TRDN: variants seen among roughly 807,000 people sequenced by gnomAD.
The protein encoded by TRDN is triadin in skeletal muscle.
TRDN carries 161 observed loss-of-function variants against 149.7 expected under a neutral mutation model. That is an observed-to-expected ratio of 1.08 (90% CI 0.95 to 1.23). The LOEUF is 1.23. Among genes scored for constraint, TRDN ranks in the 50% most tolerant of loss-of-function variants. The probability of loss-of-function intolerance (pLI) is 0.00; values close to 1 mark genes in which losing one functional copy is unlikely to be tolerated. For synonymous variants in TRDN, 294 were observed against 250.5 expected (o/e 1.17, Z -1.64); for missense variants, 896 against 823.5 (o/e 1.09, Z -1.08).
At chr6:123,633,973 GA>G (rs1412919664) in intron 1 of TRDN, among the ~76,000 whole-genome samples, 22 of 152,084 alleles carry the variant, frequency 1.4e-4, no homozygotes, top group Admixed American at 1.2e-3. Flanking sequence ...CTTGAGATGA[GA>G]ACAGTTAACT....
At chr6:123,327,297 T>C (rs1779493374) in intron 23 of TRDN, among the ~76,000 whole-genome samples, 1 of 152,100 alleles carries the variant, frequency 6.6e-6, no homozygotes, top group East Asian at 1.9e-4. Flanking sequence ...ATAACTATAT[T>C]TGGTCAGGCA....
chr6:123,381,956 GCTCTCTCTCTCTCTCT>G (rs55997261), intron 15 of TRDN, among the ~76,000 whole-genome samples, 146 bp downstream of exon 15: 1 of 138,522 alleles, frequency 7.2e-6, no homozygotes, highest in South Asian at 2.4e-4. Context: ...TAGATTTGGC[GCTCTCTCTCTCTCTCT>G]CTCTCTCTCT....
intron 4 of TRDN, among the ~76,000 whole-genome samples, chr6:123,547,058 G>A (rs1190632762): frequency 6.6e-6 from 1 of 152,094 alleles, no homozygotes; most frequent in East Asian, 1.9e-4. Context: ...TAAGGCTACA[G>A]AATTCTCCCC....
At chr6:123,274,707 AAAAAT>A in intron 26 of TRDN, 37 bp from the exon 27 acceptor site, 1 of 1,560,960 alleles carries the variant, frequency 6.4e-7, no homozygotes, top group South Asian at 1.2e-5. Context: ...TAAAACCTGA[AAAAAT>A]AAACTAGAAT....
chr6:123,271,137 A>G lies in TRDN; in HGVS notation c.1720+2T>C, dbSNP rs2114612691. Reference sequence around the variant, plus strand: ...GAAAAAAATATAAAATACCTTATTTACCTGTTTTTTCTATTGTGACAGCTT... The same window carrying G: ...GAAAAAAATATAAAATACCTTATTTGCCTGTTTTTTCTATTGTGACAGCTT... On this transcript the variant is annotated splice_donor_variant, in intron 30 of 40. Transcript: ENST00000334268. LOFTEE classifies it high-confidence loss of function. 1 of 1,524,708 alleles carries G rather than the reference A, an allele frequency of 6.6e-7. No individual in the cohort carries two copies. The highest frequency in any genetic ancestry group is 8.8e-7 in the Non-Finnish European group (1 of 1,133,400). The allele number at this position is 1,524,708 out of a possible 1,614,324, so 94.4% of individuals were successfully genotyped here. A position where few individuals can be genotyped will look rare whatever the true frequency, so the allele number is the denominator to read the frequency against.
chr6:123,469,408 C>A (rs1225981802), intron 9 of TRDN, among the ~76,000 whole-genome samples: 1 of 152,068 alleles, frequency 6.6e-6, no homozygotes, highest in Non-Finnish European at 1.5e-5. Flanking sequence ...CTTTCCCAAC[C>A]CCATCTATTA....
intron 10 of TRDN, chr6:123,456,764 T>A: frequency 2.2e-6 from 1 of 455,522 alleles, no homozygotes; most frequent in Admixed American, 2.4e-5. Flanking sequence ...TTATCCTTTA[T>A]TAAATGAGCA....
chr6:123,390,740 ACT>A (rs1219854128), intron 13 of TRDN, among the ~76,000 whole-genome samples: 1 of 151,882 alleles, frequency 6.6e-6, no homozygotes, highest in South Asian at 2.1e-4. Flanking sequence ...AATCTACTTA[ACT>A]CTGTTATGGG....
At chr6:123,399,356 A>G (rs759424854) in intron 12 of TRDN, among the ~76,000 whole-genome samples, 1 of 152,234 alleles carries the variant, frequency 6.6e-6, no homozygotes, top group Non-Finnish European at 1.5e-5. Context: ...TAAGTAATCA[A>G]CAATTTAGGG....
intron 1 of TRDN, among the ~76,000 whole-genome samples, chr6:123,624,953 A>T (rs1009912773): frequency 6.6e-6 from 1 of 152,090 alleles, no homozygotes; most frequent in Non-Finnish European, 1.5e-5. Flanking sequence ...CCTGACCGAA[A>T]ATTTAGTATT....
At position 123,284,701 on chromosome 6, in the gene TRDN, A is replaced by T. The variant is rs534827872; in HGVS notation, c.1511-5619T>A. 1.1e-4 allele frequency among the ~76,000 whole-genome samples: 17 copies of T among 152,262 alleles called. No individual in the cohort carries two copies. In the South Asian group the frequency reaches 3.5e-3, roughly 32 times the overall value. ...AAGAGAGAGAAATAAAGGGCATTCA[A>T]ATCAGTAAAGAGGAAGTCAAACTGT... On this transcript the variant is annotated intron_variant, in intron 24 of 40. Coordinates refer to ENST00000334268, the MANE Select transcript of TRDN (RefSeq NM_006073.4).
At chr6:123,510,481 A>G (rs1779119197) in intron 7 of TRDN, among the ~76,000 whole-genome samples, 1 of 152,102 alleles carries the variant, frequency 6.6e-6, no homozygotes, top group Admixed American at 6.6e-5. Flanking sequence ...TTTTCTAGTA[A>G]TTGGCAGATA....
Position 123,259,530 on chromosome 6 carries a change from C to T in TRDN, c.1870+94G>A, listed in dbSNP as rs9375235. The T allele has an allele frequency of 0.22, 181,032 of 808,604 alleles. 24,192 individuals are homozygous for T. The highest frequency in any genetic ancestry group is 0.58 in the East Asian group (19,953 of 34,614). 50.1% of individuals were successfully genotyped at this position (808,604 alleles called of 1,614,324 possible). ...AAATCAGTGTCTTCATTTTCATCAA[C>T]TGTTTTTAAATCATATAATTTGTAT... On this transcript the variant is annotated intron_variant, in intron 35 of 40. Transcript: ENST00000334268.
intron 21 of TRDN, among the ~76,000 whole-genome samples, chr6:123,347,893 C>G (rs766861594): frequency 3.9e-5 from 6 of 152,062 alleles, no homozygotes; most frequent in Non-Finnish European, 7.4e-5. Flanking sequence ...GGAGATAGCT[C>G]TGTGCTCTAT....
At chr6:123,334,338 C>A (rs1779784519) in intron 22 of TRDN, among the ~76,000 whole-genome samples, 1 of 152,084 alleles carries the variant, frequency 6.6e-6, no homozygotes, top group Non-Finnish European at 1.5e-5. Flanking sequence ...AATTGTATTA[C>A]TCCAATAACA....
At chr6:123,491,261 A>G (rs77609101) in intron 9 of TRDN, among the ~76,000 whole-genome samples, 6,583 of 152,228 alleles carry the variant, frequency 0.043, 432 homozygotes, top group African/African-American at 0.14. Flanking sequence ...GATGATGCAC[A>G]TTCTAGAAAA....
chr6:123,259,399 C>T (rs1776679038), intron 35 of TRDN, among the ~76,000 whole-genome samples: 1 of 152,020 alleles, frequency 6.6e-6, no homozygotes, highest in South Asian at 2.1e-4. Context: ...GTAGAGTCTG[C>T]TTTCAGTTCT....
chr6:123,487,391 C>T (rs1484799524), intron 9 of TRDN, among the ~76,000 whole-genome samples: 2 of 152,036 alleles, frequency 1.3e-5, no homozygotes, highest in Non-Finnish European at 2.9e-5. Context: ...TTTCTTAAGT[C>T]ACACATAGTG....
At chr6:123,491,132 A>AGAAGGAAGGAAGGAAGGGAGGAAG (rs1778199691) in intron 9 of TRDN, among the ~76,000 whole-genome samples, 1 of 146,276 alleles carries the variant, frequency 6.8e-6, no homozygotes, top group Non-Finnish European at 1.5e-5. Flanking sequence ...AAGGAACGAA[A>AGAAGGAAGGAAGGAAGGGAGGAAG]GAAGGAAGGA....
Sources: gnomAD v4.1 joint callset for allele counts (sites outside exome capture counted in the v4.1 genomes callset) on GRCh38, gnomAD v4.1.1 for gene constraint, MANE v1.5 for transcripts, NCBI Gene and HGNC (gene_info 2026-07-23, HGNC 2026-07-21) for gene names.